The following BMPER variants were observed in gnomAD, a reference collection of about 807,000 sequenced individuals.
BMPER encodes BMP binding endothelial regulator.
BMPER carries 45 observed loss-of-function variants against 87.3 expected under a neutral mutation model. That is an observed-to-expected ratio of 0.52 (90% CI 0.41 to 0.66). The LOEUF (loss-of-function observed/expected upper bound fraction) is 0.66, where lower values mean the gene tolerates loss of function less well. Ranked by LOEUF, BMPER falls within the 30% of genes least tolerant of loss-of-function variation. BMPER has a pLI of 0.00. For missense variants in BMPER, 784 were observed against 867.5 expected (o/e 0.90, Z 1.21); for synonymous variants, 326 against 316.2 (o/e 1.03, Z -0.33).
intron 6 of BMPER, among the ~76,000 whole-genome samples, chr7:33,988,997 T>C (rs1050434017): frequency 9.3e-5 from 13 of 140,042 alleles, no homozygotes; most frequent in Non-Finnish European, 1.7e-4. Context: ...TGCCACATTT[T>C]CTTAAACCAG....
chr7:34,114,283 G>A (rs957198888), intron 13 of BMPER, among the ~76,000 whole-genome samples: 2 of 152,126 alleles, frequency 1.3e-5, no homozygotes, highest in South Asian at 2.1e-4. Flanking sequence ...GACCTATGCC[G>A]GTCTACTTTT....
intron 3 of BMPER, among the ~76,000 whole-genome samples, chr7:33,963,460 A>C (rs1785321633): frequency 6.6e-6 from 1 of 152,186 alleles, no homozygotes; most frequent in African/African-American, 2.4e-5. Flanking sequence ...AGTCACTTTT[A>C]TTATATTTTA....
chr7:33,991,622 T>A (rs1192408233), intron 6 of BMPER, among the ~76,000 whole-genome samples: 2 of 152,214 alleles, frequency 1.3e-5, no homozygotes, highest in East Asian at 3.8e-4. Flanking sequence ...TTCCTTCAGT[T>A]CTGCTCAGAT....
intron 2 of BMPER, among the ~76,000 whole-genome samples, chr7:33,921,486 T>C (rs1211285319): frequency 7.2e-5 from 11 of 152,202 alleles, no homozygotes; most frequent in Admixed American, 7.2e-4. Context: ...CAGAGCTCTC[T>C]TTCAGAGAAT....
intron 13 of BMPER, among the ~76,000 whole-genome samples, chr7:34,134,288 G>T (rs1790664998): frequency 6.6e-6 from 1 of 152,132 alleles, no homozygotes; most frequent in Non-Finnish European, 1.5e-5. Flanking sequence ...TTTTTTATCA[G>T]CCAGCCTCCA....
In BMPER at chr7:34,079,111, A is replaced by T; in HGVS notation, c.1333A>T (p.Ile445Phe). 6.2e-7 allele frequency: 1 copy of T among 1,613,488 alleles called. No individual in the cohort carries two copies. Among genetic ancestry groups the T allele is most frequent in the Admixed American group, 1.7e-5 (1 of 59,950 alleles). The change falls in exon 12 of 15, where the codon ATC (isoleucine) becomes TTC (phenylalanine). Residue 445 changes from isoleucine (I) to phenylalanine (F), a missense_variant. By Grantham distance (21) the Ile-to-Phe change is conservative. Coordinates refer to ENST00000649409, the MANE Select transcript of BMPER (RefSeq NM_001365308.1). ...HLTVRWNGSR[I>F]ALPCRAPHFH... ...CACCGTGCGCTGGAACGGCTCGCGC[A>T]TCGCGCTCCCCTGCCGCGCGCCACA...
chr7:33,924,492 C>T (rs1286871883), intron 2 of BMPER, among the ~76,000 whole-genome samples: 2 of 152,216 alleles, frequency 1.3e-5, no homozygotes, highest in African/African-American at 4.8e-5. Flanking sequence ...CGTGCTCCAG[C>T]TGCGCGCTGT....
intron 3 of BMPER, chr7:33,937,591 C>T: frequency 1.7e-6 from 1 of 590,792 alleles, no homozygotes; most frequent in Non-Finnish European, 3.0e-6. Flanking sequence ...AGGGGGCTCT[C>T]CTGGAGGAGG....
intron 3 of BMPER, among the ~76,000 whole-genome samples, chr7:33,948,012 G>T (rs1304895227): frequency 6.6e-6 from 1 of 152,192 alleles, no homozygotes; most frequent in East Asian, 1.9e-4. Flanking sequence ...AAGATGGAAA[G>T]ATTGAGTTAG....
At chr7:33,992,481 T>G (rs1031597394) in intron 6 of BMPER, among the ~76,000 whole-genome samples, 6 of 147,152 alleles carry the variant, frequency 4.1e-5, no homozygotes, top group African/African-American at 1.5e-4. Context: ...TAGATCTTCC[T>G]CCATCCTTTT....
intron 4 of BMPER, among the ~76,000 whole-genome samples, chr7:33,969,434 C>T (rs528270879): frequency 1.3e-5 from 2 of 152,210 alleles, no homozygotes; most frequent in Non-Finnish European, 2.9e-5. Context: ...GAGTCTCGCT[C>T]TGTCGTCCAG....
rs117851481 is a variant in BMPER at position 33,978,053 on chromosome 7, C to T, written c.576+3269C>T. Among the ~76,000 whole-genome samples, 70 of 152,294 alleles carry T rather than the reference C, an allele frequency of 4.6e-4. No homozygotes were observed. The East Asian group carries it at 9.5e-3, about 21-fold the overall frequency. On this transcript the variant is annotated intron_variant, in intron 6 of 14. Transcript: ENST00000649409. ...CAAAATTCATGGGTTGAAACTTAAT[C>T]GCCATTGTGGTGGTATTAAGAGGTG...
At chr7:33,953,572 T>A (rs945067836) in intron 3 of BMPER, among the ~76,000 whole-genome samples, 5 of 152,128 alleles carry the variant, frequency 3.3e-5, no homozygotes, top group Non-Finnish European at 7.4e-5. Context: ...TGAGCCCTAC[T>A]CCAGACCAAA....
At chr7:34,048,277 C>T (rs1788043280) in intron 7 of BMPER, among the ~76,000 whole-genome samples, 1 of 152,136 alleles carries the variant, frequency 6.6e-6, no homozygotes, top group Non-Finnish European at 1.5e-5. Context: ...TCTTTGATGG[C>T]TTCTTCTGCT....
chr7:33,911,143 C>T (rs1229600084), intron 2 of BMPER, among the ~76,000 whole-genome samples: 1 of 152,174 alleles, frequency 6.6e-6, no homozygotes, highest in South Asian at 2.1e-4. Context: ...ACTAAGGAAG[C>T]AATCAGATTT....
At chr7:33,917,282 T>C (rs1449339907) in intron 2 of BMPER, among the ~76,000 whole-genome samples, 1 of 152,180 alleles carries the variant, frequency 6.6e-6, no homozygotes, top group Non-Finnish European at 1.5e-5. Flanking sequence ...CATGTTTATA[T>C]TAGGTTTTGG....
chr7:34,131,246 G>A (rs1186368643), intron 13 of BMPER, among the ~76,000 whole-genome samples: 2 of 152,098 alleles, frequency 1.3e-5, no homozygotes, highest in East Asian at 3.9e-4. Flanking sequence ...CTCTTGGGAC[G>A]GGTAGCACCC....
intron 6 of BMPER, among the ~76,000 whole-genome samples, chr7:33,991,517 A>G (rs1786218330): frequency 6.6e-6 from 1 of 151,394 alleles, no homozygotes; most frequent in Admixed American, 6.6e-5. Flanking sequence ...TTTTTTCTTT[A>G]TTAATCTTGC....
chr7:33,905,438 T>TCCCCCCCCCCCCCCCCCC, upstream of BMPER: 1 of 23,006 alleles, frequency 4.3e-5, no homozygotes, highest in Non-Finnish European at 8.2e-5. Context: ...CCTTGGTCTC[T>TCCCCCCCCCCCCCCCCCC]CCCCCCGCCC....
Sources: allele counts gnomAD v4.1 joint callset (sites outside exome capture counted in the v4.1 genomes callset), GRCh38; gene constraint gnomAD v4.1.1; transcripts MANE v1.5; gene names NCBI Gene and HGNC (gene_info 2026-07-23, HGNC 2026-07-21).